The following ZNF609 variants were observed in gnomAD, a reference collection of about 807,000 sequenced individuals.
ZNF609 encodes zinc finger protein 609.
ZNF609 carries 11 observed loss-of-function variants against 109.5 expected under a neutral mutation model. The ratio of observed to expected loss-of-function variants is 0.10; its 90% confidence interval spans 0.06 to 0.17. ZNF609 has a LOEUF of 0.17. Ranked by LOEUF, ZNF609 falls within the 10% of genes least tolerant of loss-of-function variation. The pLI is 1.00. For missense variants in ZNF609, 1,559 were observed against 1,772.4 expected (o/e 0.88, Z 2.16); for synonymous variants, 646 against 662.0 (o/e 0.98, Z 0.37).
At chr15:64,612,392 A>T (rs1022306672) in intron 2 of ZNF609, among the ~76,000 whole-genome samples, 37 of 145,172 alleles carry the variant, frequency 2.5e-4, no homozygotes, top group African/African-American at 8.6e-4. Context: ...CTTGTGATCC[A>T]CCCACCTCAG....
chr15:64,580,556 C>CTTTTT (rs66976954), intron 2 of ZNF609, among the ~76,000 whole-genome samples: 1 of 144,240 alleles, frequency 6.9e-6, no homozygotes. Context: ...CTTTTCTTTT[C>CTTTTT]TTTTTTTTTT....
At chr15:64,635,802 C>T (rs929853083) in intron 3 of ZNF609, among the ~76,000 whole-genome samples, 9 of 152,220 alleles carry the variant, frequency 5.9e-5, no homozygotes, top group Admixed American at 2.6e-4. Flanking sequence ...GCTACTGAGG[C>T]TGCTGCTGCC....
rs1892947731 is a variant in ZNF609, at chr15:64,461,953, C to A, written c.-128+1115C>A. ...TGAGGAGATGACTGTTCTGCTGCCA[C>A]ACACAATAGTCGTGTCATTTTATCG... is the stretch of plus-strand genomic sequence containing the variant. On this transcript the variant is annotated intron_variant, in intron 1 of 9. Coordinates refer to ENST00000326648, the MANE Select transcript of ZNF609 (RefSeq NM_015042.2). Among the ~76,000 whole-genome samples the A allele has an allele frequency of 3.3e-5, 5 of 152,278 alleles. No homozygotes were observed. The South Asian group carries it at 1.0e-3, about 32-fold the overall frequency.
chr15:64,571,125 G>A (rs1174978232), intron 2 of ZNF609, among the ~76,000 whole-genome samples: 1 of 152,212 alleles, frequency 6.6e-6, no homozygotes, highest in Non-Finnish European at 1.5e-5. Flanking sequence ...TTTGCACAGA[G>A]TAAGTGCTAA....
At chr15:64,573,747 C>T (rs1337572194) in intron 2 of ZNF609, among the ~76,000 whole-genome samples, 1 of 152,042 alleles carries the variant, frequency 6.6e-6, no homozygotes, top group Non-Finnish European at 1.5e-5. Context: ...TTTTACTTTG[C>T]CTGCATATGT....
At chr15:64,471,860 G>C (rs1893096484) in intron 1 of ZNF609, among the ~76,000 whole-genome samples, 1 of 151,976 alleles carries the variant, frequency 6.6e-6, no homozygotes, top group Non-Finnish European at 1.5e-5. Context: ...TGGGATTACA[G>C]GCATGAGCCA....
chr15:64,584,749 C>T (rs1168277073), intron 2 of ZNF609, among the ~76,000 whole-genome samples: 1 of 151,786 alleles, frequency 6.6e-6, no homozygotes, highest in Non-Finnish European at 1.5e-5. Flanking sequence ...CTGCCTCAGC[C>T]TCCCGAGTAG....
chr15:64,469,795 G>A (rs1325328334), intron 1 of ZNF609, among the ~76,000 whole-genome samples: 1 of 152,170 alleles, frequency 6.6e-6, no homozygotes, highest in Non-Finnish European at 1.5e-5. Context: ...TTGGGAGGCC[G>A]AGGCGGGTGG....
chr15:64,459,587 G>T (rs1892909540), upstream of ZNF609, among the ~76,000 whole-genome samples: 1 of 152,128 alleles, frequency 6.6e-6, no homozygotes, highest in Non-Finnish European at 1.5e-5. Context: ...GCTATCTTGA[G>T]TGGCACTGTT....
At chr15:64,679,362 C>A (rs2141019321) in intron 6 of ZNF609, among the ~76,000 whole-genome samples, 1 of 152,340 alleles carries the variant, frequency 6.6e-6, no homozygotes, top group African/African-American at 2.4e-5. Flanking sequence ...TGAGCCACCG[C>A]TCCGGCCTTA....
intron 2 of ZNF609, among the ~76,000 whole-genome samples, chr15:64,577,341 A>G (rs1483600696): frequency 5.0e-5 from 1 of 19,978 alleles, no homozygotes; most frequent in South Asian, 5.7e-4. Context: ...ATATACATAT[A>G]TATGTATATA....
rs2083237267 is a variant in ZNF609 at position 64,685,774 on chromosome 15, CA to C, written c.*4089del. Reference sequence around the variant, plus strand: ...TTCCAGCCTCTAGAATGCTCTGATCCAGAGCTCAGTGGATGATTCCCAGCTG... The same window carrying C: ...TTCCAGCCTCTAGAATGCTCTGATCCGAGCTCAGTGGATGATTCCCAGCTG... On this transcript the variant is annotated 3_prime_UTR_variant, in exon 10 of 10. Transcript: ENST00000326648. The C allele has an allele frequency of 6.5e-6, 1 of 152,782 alleles. No individual in the cohort carries two copies. The highest frequency in any genetic ancestry group is 2.1e-4 in the South Asian group (1 of 4,818). 9.5% of individuals were successfully genotyped at this position (152,782 alleles called of 1,614,324 possible). A position where few individuals can be genotyped will look rare whatever the true frequency, so the allele number is the denominator to read the frequency against.
chr15:64,651,940 C>T (rs1203783627), intron 3 of ZNF609, among the ~76,000 whole-genome samples: 1 of 152,028 alleles, frequency 6.6e-6, no homozygotes, highest in Non-Finnish European at 1.5e-5. Context: ...AGTGTTGTCA[C>T]CACCACACCC....
At chr15:64,612,304 C>T (rs112759193) in intron 2 of ZNF609, among the ~76,000 whole-genome samples, 32 of 151,554 alleles carry the variant, frequency 2.1e-4, no homozygotes, top group Admixed American at 4.0e-4. Context: ...CCCGCCACCA[C>T]GCCCGGTTAA....
Position 64,540,638 on chromosome 15 carries a change from T to G in ZNF609, c.747+40472T>G, listed in dbSNP as rs116366105. 9.3e-3 allele frequency among the ~76,000 whole-genome samples: 1,407 copies of G among 150,664 alleles called. 24 individuals carry two copies. Among genetic ancestry groups the G allele is most frequent in the African/African-American group, 0.033 (1,342 of 41,180 alleles). ...CCAGCGTGGTCTTGAACCCTTTACC[T>G]CGTGATCCGCACGCCTCGGCCTGCC... On this transcript the variant is annotated intron_variant, in intron 2 of 9. Coordinates refer to ENST00000326648, the MANE Select transcript of ZNF609 (RefSeq NM_015042.2).
intron 3 of ZNF609, among the ~76,000 whole-genome samples, chr15:64,633,181 T>C (rs1215216860): frequency 6.6e-6 from 1 of 151,846 alleles, no homozygotes; most frequent in Non-Finnish European, 1.5e-5. Flanking sequence ...AGGGTCTCAC[T>C]CTGTTGCCCA....
chr15:64,517,824 G>A (rs1417966018), intron 2 of ZNF609, among the ~76,000 whole-genome samples: 6 of 151,926 alleles, frequency 3.9e-5, no homozygotes, highest in Non-Finnish European at 7.4e-5. Flanking sequence ...CTGTCACCCA[G>A]GCTGGAGTAC....
chr15:64,641,612 A>G, intron 3 of ZNF609, among the ~76,000 whole-genome samples: 1 of 152,178 alleles, frequency 6.6e-6, no homozygotes. Context: ...GAAGGTGGAC[A>G]AATTTGAAGA....
intron 3 of ZNF609, among the ~76,000 whole-genome samples, chr15:64,642,992 C>T (rs983993259): frequency 3.3e-5 from 5 of 152,198 alleles, no homozygotes; most frequent in Admixed American, 6.5e-5. Context: ...TTTACCCTTT[C>T]TCTACATCTC....
Sources: allele counts gnomAD v4.1 joint callset (sites outside exome capture counted in the v4.1 genomes callset), GRCh38; gene constraint gnomAD v4.1.1; transcripts MANE v1.5; gene names NCBI Gene and HGNC (gene_info 2026-07-23, HGNC 2026-07-21).